PDE4D: variants seen among roughly 807,000 people sequenced by gnomAD.
PDE4D encodes the protein phosphodiesterase 4D, also known as 3',5'-cyclic-AMP phosphodiesterase 4D.
Under a neutral mutation model 87.4 loss-of-function variants are expected in PDE4D, and 24 were observed. The ratio of observed to expected loss-of-function variants is 0.27; its 90% CI spans 0.20 to 0.39. The LOEUF (loss-of-function observed/expected upper bound fraction) is 0.39. Among genes scored for constraint, PDE4D ranks in the 10% least tolerant of loss-of-function variants. The probability of loss-of-function intolerance (pLI) is 1.00; values close to 1 mark genes in which losing one functional copy is unlikely to be tolerated. For missense variants in PDE4D, 714 were observed against 1,041.0 expected, an observed-to-expected ratio of 0.69 and a Z score of 4.32; for synonymous variants, 384 against 383.2, an observed-to-expected ratio of 1.00 and a Z score of -0.02.
chr5:59,174,401 C>G (rs536053664), intron 5 of PDE4D: 15 of 152,712 alleles, frequency 9.8e-5, no homozygotes, highest in South Asian at 6.2e-4. Context: ...CTGTGCTGTT[C>G]TATGCTTGTC....
rs1751247292 is a variant in PDE4D, at chr5:59,893,331, T to G, written c.292A>C (p.Ser98Arg). 6.6e-7 allele frequency: 1 copy of G among 1,504,000 alleles called. No individual in the cohort carries two copies. Among genetic ancestry groups the G allele is most frequent in the Non-Finnish European group, 8.9e-7 (1 of 1,123,774 alleles). The allele number at this position is 1,504,000 out of a possible 1,614,324, so 93.2% of individuals were successfully genotyped here. Residue 98 changes from serine (S) to arginine (R), a missense_variant, in exon 1 of 15, where the codon AGC (serine) becomes CGC (arginine). Physicochemically the swap from Ser to Arg is moderately radical, Grantham distance 110 (BLOSUM62 -1). Around this residue, in one of 7 missense-constraint regions of PDE4D, gnomAD observed 268 missense variants for 272.9 expected, o/e 0.98. Transcript: ENST00000340635. ...TGCCGGACGCGGCCGGTGGCCCCGCTCGAGGCGTAGCGGCCGCGGGCAGCC... is the reference window on the plus strand; with the variant it reads ...TGCCGGACGCGGCCGGTGGCCCCGCGCGAGGCGTAGCGGCCGCGGGCAGCC... ...PGAARGRYASSGATGRVRHRG... is the reference protein window; with the variant it reads ...PGAARGRYASRGATGRVRHRG...
At chr5:59,459,344 A>C (rs1462819605) in intron 1 of PDE4D, among the ~76,000 whole-genome samples, 9 of 152,312 alleles carry the variant, frequency 5.9e-5, no homozygotes, top group Non-Finnish European at 1.2e-4. Flanking sequence ...TAGTGCCTGG[A>C]ATGTGTTTGT....
chr5:60,312,012 T>C (rs1755082464), intron 1 of PDE4D, among the ~76,000 whole-genome samples: 2 of 152,306 alleles, frequency 1.3e-5, no homozygotes, highest in East Asian at 1.9e-4. Flanking sequence ...TAAATATATA[T>C]GCACCCAACA....
chr5:59,043,639 T>C (rs377723791), intron 5 of PDE4D, among the ~76,000 whole-genome samples: 7 of 152,174 alleles, frequency 4.6e-5, no homozygotes, highest in East Asian at 1.9e-4. Context: ...ATGTGCCATG[T>C]TGGTGTGCTG....
rs111735768 is a variant in PDE4D at position 59,917,753 on chromosome 5, C to T, written c.272+70735G>A. 2.0e-5 allele frequency among the ~76,000 whole-genome samples: 3 copies of T among 152,224 alleles called. 1 individual carries two copies. Among genetic ancestry groups the T allele is most frequent in the African/African-American group, 7.2e-5 (3 of 41,564 alleles). On this transcript the variant is annotated intron_variant, in intron 3 of 16. Coordinates refer to the PDE4D transcript ENST00000502484. ...AAATTGTTAAAATGAATTTGAAAGACTGAAGCACATTATTTCAATGCAACT... is the reference window on the plus strand; with the variant it reads ...AAATTGTTAAAATGAATTTGAAAGATTGAAGCACATTATTTCAATGCAACT...
At chr5:59,855,537 A>T (rs1745300880) in intron 1 of PDE4D, among the ~76,000 whole-genome samples, 1 of 152,190 alleles carries the variant, frequency 6.6e-6, no homozygotes, top group South Asian at 2.1e-4. Context: ...TATCCCACAG[A>T]AAAACCAGAA....
At chr5:59,738,936 T>TA (rs547209030) in intron 1 of PDE4D, among the ~76,000 whole-genome samples, 2,447 of 151,692 alleles carry the variant, frequency 0.016, 68 homozygotes, top group African/African-American at 0.056. Flanking sequence ...AAACAAAGTT[T>TA]AAAAAAAACT....
At chr5:59,522,440 G>A (rs888174170) in intron 1 of PDE4D, among the ~76,000 whole-genome samples, 10 of 152,140 alleles carry the variant, frequency 6.6e-5, no homozygotes, top group African/African-American at 2.4e-4. Flanking sequence ...TTACACAAAC[G>A]GCAATTGAGT....
At chr5:60,168,290 G>A (rs1398253810) in intron 2 of PDE4D, among the ~76,000 whole-genome samples, 1 of 152,238 alleles carries the variant, frequency 6.6e-6, no homozygotes, top group African/African-American at 2.4e-5. Flanking sequence ...CTGGATAGGG[G>A]TTCAGAGCAG....
At chr5:59,083,369 C>G (rs1018662044) in intron 5 of PDE4D, among the ~76,000 whole-genome samples, 2 of 152,016 alleles carry the variant, frequency 1.3e-5, no homozygotes, top group South Asian at 2.1e-4. Context: ...ACTTTTCAAT[C>G]TGAGGACTTG....
At chr5:60,519,977 A>G (rs1263716682) in intron 1 of PDE4D, among the ~76,000 whole-genome samples, 1 of 152,230 alleles carries the variant, frequency 6.6e-6, no homozygotes, top group African/African-American at 2.4e-5. Flanking sequence ...TTCAAAACCA[A>G]TCGTTGAGAG....
At chr5:59,751,104 A>G (rs1187414064) in intron 1 of PDE4D, among the ~76,000 whole-genome samples, 1 of 152,130 alleles carries the variant, frequency 6.6e-6, no homozygotes, top group Non-Finnish European at 1.5e-5. Context: ...CCTGACTCTC[A>G]CCTTGGTGAG....
chr5:59,612,364 A>G (rs746075374), intron 1 of PDE4D, among the ~76,000 whole-genome samples: 374 of 152,236 alleles, frequency 2.5e-3, no homozygotes, highest in Non-Finnish European at 3.7e-3. Context: ...TTTGAATATA[A>G]ATATGGGCAA....
At chr5:60,184,854 G>T (rs548320892) in intron 2 of PDE4D, among the ~76,000 whole-genome samples, 2 of 152,152 alleles carry the variant, frequency 1.3e-5, no homozygotes, top group African/African-American at 2.4e-5. Context: ...TCCCCCTTGG[G>T]TAAATGAACA....
chr5:60,287,765 A>G (rs1440910159), intron 1 of PDE4D, among the ~76,000 whole-genome samples: 2 of 152,142 alleles, frequency 1.3e-5, no homozygotes, highest in Non-Finnish European at 2.9e-5. Flanking sequence ...AAACTTCTAA[A>G]ACTTTGAAAT....
At chr5:60,453,205 A>T (rs1014209901) in intron 1 of PDE4D, among the ~76,000 whole-genome samples, 1 of 152,096 alleles carries the variant, frequency 6.6e-6, no homozygotes, top group Non-Finnish European at 1.5e-5. Flanking sequence ...GTAGAAAGTG[A>T]CCAAATTCTC....
intron 5 of PDE4D, among the ~76,000 whole-genome samples, chr5:59,056,068 C>A (rs987046874): frequency 2.6e-5 from 4 of 152,192 alleles, no homozygotes; most frequent in African/African-American, 9.7e-5. Flanking sequence ...TCCAGACAGG[C>A]TTCCTGGGGA....
chr5:60,394,682 T>C (rs79793341), intron 1 of PDE4D, among the ~76,000 whole-genome samples: 1 of 152,174 alleles, frequency 6.6e-6, no homozygotes, highest in Non-Finnish European at 1.5e-5. Flanking sequence ...AAATTTTCCT[T>C]AGTAAATTCA....
chr5:60,331,890 G>C (rs977115450), intron 1 of PDE4D, among the ~76,000 whole-genome samples: 1 of 152,094 alleles, frequency 6.6e-6, no homozygotes, highest in Non-Finnish European at 1.5e-5. Context: ...TGCTTCAGTA[G>C]CTATTTTATA....
Sources: gnomAD v4.1 joint callset for allele counts (sites outside exome capture counted in the v4.1 genomes callset) on GRCh38, gnomAD v4.1.1 for gene constraint, gnomAD v4.1.1 regional missense constraint, MANE v1.5 for transcripts, NCBI Gene and HGNC (gene_info 2026-07-23, HGNC 2026-07-21) for gene names.